Variants in GPATCH8 observed in about 807,000 individuals in gnomAD.
GPATCH8 encodes G patch domain-containing protein 8.
GPATCH8 carries 18 observed loss-of-function variants against 118.3 expected under a neutral mutation model. The observed-to-expected ratio is 0.15, with a 90% CI of 0.11 to 0.23. The LOEUF (loss-of-function observed/expected upper bound fraction) is 0.23, where lower values mean the gene tolerates loss of function less well. Among genes scored for constraint, GPATCH8 ranks in the 10% least tolerant of loss-of-function variants. The pLI is 1.00. For missense variants in GPATCH8, 1,631 were observed against 1,873.8 expected (o/e 0.87, Z 2.39); for synonymous variants, 659 against 684.7 (o/e 0.96, Z 0.59).
At chr17:44,420,851 T>C (rs935908404) in intron 6 of GPATCH8, among the ~76,000 whole-genome samples, 1 of 152,124 alleles carries the variant, frequency 6.6e-6, no homozygotes, top group African/African-American at 2.4e-5. Flanking sequence ...TTATACTTTT[T>C]CCTGGTTTAC....
chr17:44,492,719 A>G (rs1337931579), intron 1 of GPATCH8, among the ~76,000 whole-genome samples: 1 of 152,222 alleles, frequency 6.6e-6, no homozygotes, highest in Non-Finnish European at 1.5e-5. Context: ...AGTAGCTGAT[A>G]CTACCCTCAC....
At chr17:44,503,290 C>T in intron 1 of GPATCH8, 36 bp downstream of exon 1, 1 of 1,580,086 alleles carries the variant, frequency 6.3e-7, no homozygotes, top group Non-Finnish European at 8.6e-7. Flanking sequence ...GCTAGACCAG[C>T]GCCTTCCCCG....
chr17:44,455,914 AT>A (rs930131718), intron 3 of GPATCH8, among the ~76,000 whole-genome samples: 1 of 151,718 alleles, frequency 6.6e-6, no homozygotes, highest in African/African-American at 2.4e-5. Context: ...TGCCCCGCTA[AT>A]TTTGTATTTT....
At chr17:44,497,800 C>T (rs994429941) in intron 1 of GPATCH8, among the ~76,000 whole-genome samples, 4 of 151,286 alleles carry the variant, frequency 2.6e-5, no homozygotes, top group Non-Finnish European at 4.4e-5. Context: ...CTTAGCCAGT[C>T]ATGGTGGTAC....
In GPATCH8 at chr17:44,400,216, T is replaced by C; in HGVS notation, c.1861A>G (p.Lys621Glu). ...CTGCCTCCTGAGGAACGTACTATTTTCTCTCCGCCCACTTCCTTGCTTTTA... is the reference window on the plus strand; with the variant it reads ...CTGCCTCCTGAGGAACGTACTATTTCCTCTCCGCCCACTTCCTTGCTTTTA... ...PNKSKEVGGE[K>E]IVRSSGGRMD... The change falls in exon 8 of 8, where the codon AAA (lysine) becomes GAA (glutamate). Residue 621 changes from lysine (K) to glutamate (E), a missense_variant. Lys to Glu is a moderately conservative substitution (Grantham distance 56). Around this residue, in one of 8 missense-constraint regions of GPATCH8, gnomAD observed 922 missense variants for 879.7 expected, o/e 1.05. Coordinates refer to ENST00000591680, the MANE Select transcript of GPATCH8 (RefSeq NM_001002909.4). 7.4e-6 allele frequency: 12 copies of C among 1,614,122 alleles called. No individual in the cohort carries two copies. The highest frequency in any genetic ancestry group is 1.0e-5 in the Non-Finnish European group (12 of 1,180,032).
chr17:44,432,756 GA>G (rs1178141010), intron 5 of GPATCH8, among the ~76,000 whole-genome samples: 1 of 152,022 alleles, frequency 6.6e-6, no homozygotes, highest in Non-Finnish European at 1.5e-5. Context: ...CAGCAGGAAG[GA>G]AAAAAGACCA....
chr17:44,432,143 T>A (rs1037689018), intron 5 of GPATCH8, among the ~76,000 whole-genome samples: 1 of 151,488 alleles, frequency 6.6e-6, no homozygotes, highest in South Asian at 2.1e-4. Flanking sequence ...AAGAGAAAGG[T>A]TGCCAATACA....
At chr17:44,421,571 G>T (rs1598446715) in intron 6 of GPATCH8, among the ~76,000 whole-genome samples, 1 of 151,910 alleles carries the variant, frequency 6.6e-6, no homozygotes, top group Non-Finnish European at 1.5e-5. Context: ...TCGCCATGTT[G>T]GCCAGGCTGG....
chr17:44,484,026 G>A (rs1300559638), intron 1 of GPATCH8, among the ~76,000 whole-genome samples: 7 of 152,170 alleles, frequency 4.6e-5, no homozygotes, highest in Non-Finnish European at 1.0e-4. Context: ...ATTTGTAGTA[G>A]AGACAGGGTT....
intron 5 of GPATCH8, among the ~76,000 whole-genome samples, chr17:44,425,748 T>C (rs1480568647): frequency 6.6e-6 from 1 of 152,192 alleles, no homozygotes; most frequent in Non-Finnish European, 1.5e-5. Context: ...AAGCTGGTCA[T>C]GAACTCCTGG....
At position 44,397,245 on chromosome 17, in the gene GPATCH8, C is replaced by T. The variant is rs1361239970; in HGVS notation, c.*323G>A. On this transcript the variant is annotated 3_prime_UTR_variant, in exon 8 of 8. Transcript: ENST00000591680. Reference sequence around the variant, plus strand: ...AGAAGGGAAGAGCAGAGGAAAAAAGCAGAGGGAGGAGGGGATTATCTAAAC... The same window carrying T: ...AGAAGGGAAGAGCAGAGGAAAAAAGTAGAGGGAGGAGGGGATTATCTAAAC... 5 of 520,924 alleles carry T rather than the reference C, an allele frequency of 9.6e-6. No homozygotes were observed. Among genetic ancestry groups the T allele is most frequent in the Admixed American group, 6.8e-5 (3 of 44,414 alleles). 32.3% of individuals were successfully genotyped at this position (520,924 alleles called of 1,614,324 possible).
rs771694344 is a variant in GPATCH8 at position 44,400,383 on chromosome 17, A to G, written c.1694T>C (p.Ile565Thr). 6.2e-7 allele frequency: 1 copy of G among 1,613,790 alleles called. No homozygotes were observed. Residue 565 changes from isoleucine to threonine, a missense_variant, in exon 8 of 8, where the codon ATT (isoleucine) becomes ACT (threonine). By Grantham distance (89) the Ile-to-Thr change is moderately conservative. Coordinates refer to ENST00000591680, the MANE Select transcript of GPATCH8 (RefSeq NM_001002909.4). The stretch of plus-strand genomic sequence containing the variant: ...ATATAAAGGGTTACAACTGTATGAA[A>G]TGGAGGGTTCTGCCTTGGTGAAAAT... ...LLIFTKAEPS[I>T]SYSCNPLYFD... is the part of the protein sequence containing the mutation.
intron 6 of GPATCH8, among the ~76,000 whole-genome samples, chr17:44,421,750 A>G (rs1372559887): frequency 1.4e-5 from 2 of 141,846 alleles, no homozygotes; most frequent in African/African-American, 5.3e-5. Context: ...TTTTTGAGAC[A>G]GGGTCTTGCT....
chr17:44,434,275 T>A, intron 5 of GPATCH8, among the ~76,000 whole-genome samples: 1 of 148,624 alleles, frequency 6.7e-6, no homozygotes, highest in South Asian at 2.1e-4. Context: ...GGCTGAAGAG[T>A]GAATAAAGAG....
intron 1 of GPATCH8, among the ~76,000 whole-genome samples, chr17:44,483,206 T>TATATATATACACACAC (rs1555646853): frequency 1.3e-5 from 1 of 77,492 alleles, no homozygotes; most frequent in African/African-American, 5.0e-5. Flanking sequence ...TATATATATA[T>TATATATATACACACAC]ATATATATAT....
chr17:44,425,195 G>A (rs967110233), intron 5 of GPATCH8, among the ~76,000 whole-genome samples: 19 of 152,150 alleles, frequency 1.2e-4, no homozygotes, highest in African/African-American at 4.1e-4. Context: ...CGCACAGAAG[G>A]ATGAGAAAGG....
At chr17:44,435,411 C>CTT (rs566253126) in intron 4 of GPATCH8, among the ~76,000 whole-genome samples, 1,843 of 99,692 alleles carry the variant, frequency 0.018, 132 homozygotes, top group African/African-American at 0.056. Context: ...TCTTTCTTTC[C>CTT]TTTTTTTTTT....
chr17:44,400,730 T>A lies in GPATCH8; in HGVS notation c.1347A>T (p.Ala449=). The change falls in exon 8 of 8, where the codon GCA becomes GCT. Residue 449 remains alanine (A), a synonymous_variant. Transcript: ENST00000591680. ...SPKPKSCIKA[A]ASQGAEKTVS... is the part of the protein sequence containing the mutation. ...CTGTCTTTTCTGCTCCTTGGCTTGC[T>A]GCCGCCTTGATGCAGCTTTTAGGCT... 6.2e-7 allele frequency: 1 copy of A among 1,612,698 alleles called. No homozygotes were observed. Among genetic ancestry groups the A allele is most frequent in the Non-Finnish European group, 8.5e-7 (1 of 1,179,186 alleles).
intron 6 of GPATCH8, among the ~76,000 whole-genome samples, chr17:44,414,869 A>T (rs1452412281): frequency 6.6e-6 from 1 of 152,204 alleles, no homozygotes; most frequent in South Asian, 2.1e-4. Flanking sequence ...TTCACTTAGC[A>T]TACTATTTTC....
Sources: gnomAD v4.1 joint callset for allele counts (sites outside exome capture counted in the v4.1 genomes callset) on GRCh38, gnomAD v4.1.1 for gene constraint, gnomAD v4.1.1 regional missense constraint, MANE v1.5 for transcripts, NCBI Gene and HGNC (gene_info 2026-07-23, HGNC 2026-07-21) for gene names.